ENTREP2: variants seen among roughly 807,000 people sequenced by gnomAD.
ENTREP2 encodes protein ENTREP2.
At chr15:29,356,724 T>C in the ENTREP2 span, among the ~76,000 whole-genome samples, 2 of 152,142 alleles carry the variant, frequency 1.3e-5, no homozygotes, top group African/African-American at 2.4e-5. Context: ...AATGAAATAC[T>C]CTGGAAAAGA....
At chr15:29,558,187 A>G in the ENTREP2 span, among the ~76,000 whole-genome samples, 13 of 152,110 alleles carry the variant, frequency 8.5e-5, no homozygotes, top group African/African-American at 2.9e-4. Context: ...AACAAGGGAA[A>G]AAGGAGAGAA....
the ENTREP2 span, among the ~76,000 whole-genome samples, chr15:29,149,377 C>T: frequency 6.6e-5 from 10 of 152,328 alleles, no homozygotes; most frequent in East Asian, 1.7e-3. Flanking sequence ...ATATCACTGG[C>T]ATAAACTAGT....
chr15:29,158,105 A>G, the ENTREP2 span, among the ~76,000 whole-genome samples: 1 of 152,244 alleles, frequency 6.6e-6, no homozygotes, highest in East Asian at 1.9e-4. Context: ...TTTATTGACC[A>G]CATAATCCAC....
At chr15:29,666,168 T>G in the ENTREP2 span, among the ~76,000 whole-genome samples, 1 of 150,270 alleles carries the variant, frequency 6.7e-6, no homozygotes, top group Non-Finnish European at 1.5e-5. Flanking sequence ...CATCGTCTTT[T>G]GTGAAAAAAA....
the ENTREP2 span, among the ~76,000 whole-genome samples, chr15:29,158,416 T>G: frequency 6.6e-6 from 1 of 151,150 alleles, no homozygotes; most frequent in Non-Finnish European, 1.5e-5. Flanking sequence ...TTTTTTTTTT[T>G]TTTTTTTGAG....
At chr15:29,377,181 T>C in the ENTREP2 span, among the ~76,000 whole-genome samples, 1 of 152,128 alleles carries the variant, frequency 6.6e-6, no homozygotes, top group Admixed American at 6.5e-5. Context: ...TAAAAATCAT[T>C]GAAATCAAGA....
chr15:29,266,085 T>C, the ENTREP2 span: 1 of 152,170 alleles, frequency 6.6e-6, no homozygotes, highest in African/African-American at 2.4e-5. Flanking sequence ...GAGCAGACCA[T>C]GGATTAACAT....
the ENTREP2 span, among the ~76,000 whole-genome samples, chr15:29,486,499 T>C: frequency 2.0e-5 from 3 of 152,146 alleles, no homozygotes; most frequent in Non-Finnish European, 4.4e-5. Flanking sequence ...AAGACCAGCC[T>C]GGCCAACATG....
At chr15:29,375,575 T>A in the ENTREP2 span, 2 of 152,140 alleles carry the variant, frequency 1.3e-5, no homozygotes, top group Non-Finnish European at 2.9e-5. Flanking sequence ...CAGCAATCCA[T>A]CCCCAGAGGA....
the ENTREP2 span, chr15:29,569,961 G>A: frequency 2.6e-5 from 4 of 151,988 alleles, no homozygotes; most frequent in South Asian, 8.3e-4. Context: ...CCAAGTCAGC[G>A]AGCGACCACA....
chr15:29,627,226 A>C, the ENTREP2 span, among the ~76,000 whole-genome samples: 3 of 152,082 alleles, frequency 2.0e-5, no homozygotes, highest in Non-Finnish European at 4.4e-5. Context: ...TAAAGTATAC[A>C]ATTCAGTGGT....
the ENTREP2 span, among the ~76,000 whole-genome samples, chr15:29,302,718 G>A: frequency 0.041 from 6,217 of 152,110 alleles, 407 homozygotes; most frequent in African/African-American, 0.14. Context: ...GATGTTTCCC[G>A]CAAGAAAGAA....
At chr15:29,510,165 T>A in the ENTREP2 span, among the ~76,000 whole-genome samples, 11 of 152,210 alleles carry the variant, frequency 7.2e-5, no homozygotes, top group Admixed American at 7.2e-4. Flanking sequence ...TTATCACTGG[T>A]CATTAGAGAA....
the ENTREP2 span, among the ~76,000 whole-genome samples, chr15:29,388,226 A>G: frequency 0.016 from 2,456 of 152,356 alleles, 75 homozygotes; most frequent in African/African-American, 0.056. Context: ...CTCATCTGCC[A>G]AAGGGCTCAT....
At chr15:29,189,879 C>T in the ENTREP2 span, among the ~76,000 whole-genome samples, 1 of 152,112 alleles carries the variant, frequency 6.6e-6, no homozygotes, top group Admixed American at 6.5e-5. Flanking sequence ...TTACAAAAGC[C>T]GAGACACTGT....
chr15:29,622,214 T>C, the ENTREP2 span, among the ~76,000 whole-genome samples: 1 of 152,120 alleles, frequency 6.6e-6, no homozygotes, highest in Non-Finnish European at 1.5e-5. Flanking sequence ...TATTTTATTT[T>C]ATTTTATTTT....
At chr15:29,554,314 CA>C in the ENTREP2 span, among the ~76,000 whole-genome samples, 233 of 67,964 alleles carry the variant, frequency 3.4e-3, no homozygotes, top group Middle Eastern at 0.013. Context: ...GACTCCGTCT[CA>C]AAAAAAAAAA....
chr15:29,309,030 C>T, the ENTREP2 span, among the ~76,000 whole-genome samples: 1 of 152,116 alleles, frequency 6.6e-6, no homozygotes, highest in Non-Finnish European at 1.5e-5. Flanking sequence ...TTCTCTGGGT[C>T]TTCATTTCCT....
the ENTREP2 span, among the ~76,000 whole-genome samples, chr15:29,482,243 C>T: frequency 2.0e-5 from 3 of 151,376 alleles, no homozygotes; most frequent in African/African-American, 7.3e-5. Context: ...CTCCTGACCT[C>T]AGGTGATCTG....
Sources: gnomAD v4.1 joint callset for allele counts (sites outside exome capture counted in the v4.1 genomes callset) on GRCh38, gnomAD v4.1.1 for gene constraint, MANE v1.5 for transcripts, NCBI Gene and HGNC (gene_info 2026-07-23, HGNC 2026-07-21) for gene names.